TIPIN: variants seen among roughly 807,000 people sequenced by gnomAD.
TIPIN encodes TIMELESS interacting protein.
Under a neutral mutation model 35.6 loss-of-function variants are expected in TIPIN, and 29 were observed. That is an observed-to-expected ratio of 0.82 (90% confidence interval 0.61 to 1.11). The LOEUF is 1.11. TIPIN is among the 50% of genes most tolerant of loss of function. TIPIN has a pLI of 0.00. For missense variants in TIPIN, 296 were observed against 345.4 expected (o/e 0.86, Z 1.13); for synonymous variants, 102 against 121.5 (o/e 0.84, Z 1.06).
intron 1 of TIPIN, among the ~76,000 whole-genome samples, chr15:66,373,266 G>A (rs2093284090): frequency 6.6e-6 from 1 of 152,196 alleles, no homozygotes; most frequent in African/African-American, 2.4e-5. Context: ...GGCTGAGGCG[G>A]GAGGATCACG....
intron 6 of TIPIN, among the ~76,000 whole-genome samples, chr15:66,346,256 T>TA (rs1454527710): frequency 8.5e-5 from 12 of 141,164 alleles, no homozygotes; most frequent in African/African-American, 2.8e-4. Flanking sequence ...CCTTAATTTA[T>TA]CTTTTTTTTT....
Position 66,337,196 on chromosome 15 carries a change from A to T in TIPIN, c.683-15T>A, listed in dbSNP as rs373620452. On this transcript the variant is annotated splice_polypyrimidine_tract_variant and intron_variant, in intron 7 of 7. Transcript: ENST00000261881. ...CATTAACATATCTGAAAGAAATCAT[A>T]CCATTATTATTCATTATAAGTACCT... is the stretch of plus-strand genomic sequence containing the variant. 1 of 1,604,310 alleles carries T rather than the reference A, an allele frequency of 6.2e-7. No homozygotes were observed. Among genetic ancestry groups the T allele is most frequent in the South Asian group, 1.1e-5 (1 of 90,784 alleles).
chr15:66,340,834 C>T (rs28448834), intron 7 of TIPIN, among the ~76,000 whole-genome samples: 39,060 of 151,778 alleles, frequency 0.26, 5,644 homozygotes, highest in South Asian at 0.33. Context: ...TGACCTCAAG[C>T]GATCCACCTA....
At chr15:66,384,290 C>A (rs2140506244) in intron 1 of TIPIN, among the ~76,000 whole-genome samples, 1 of 143,370 alleles carries the variant, frequency 7.0e-6, no homozygotes, top group East Asian at 2.2e-4. Flanking sequence ...AGCCACCGCG[C>A]CCGGCCTATT....
intron 6 of TIPIN, 87 bp downstream of exon 6, chr15:66,348,972 TG>T: frequency 9.6e-7 from 1 of 1,039,818 alleles, no homozygotes; most frequent in Non-Finnish European, 1.4e-6. Context: ...AGCAAAGCGC[TG>T]GGATTACAGG....
chr15:66,356,619 G>A lies in TIPIN; in HGVS notation c.-9+20C>T. ...CCCTCTCCCCGCAAGAACTTCATTGGCCCGCCAGCCAGCTCTCACCTCACG... is the reference window on the plus strand; with the variant it reads ...CCCTCTCCCCGCAAGAACTTCATTGACCCGCCAGCCAGCTCTCACCTCACG... On this transcript the variant is annotated intron_variant, in intron 1 of 7. Coordinates refer to ENST00000261881, the MANE Select transcript of TIPIN (RefSeq NM_017858.3). 1 of 978,486 alleles carries A rather than the reference G, an allele frequency of 1.0e-6. No homozygotes were observed. 60.6% of individuals were successfully genotyped at this position (978,486 alleles called of 1,614,324 possible).
chr15:66,359,154 A>AACACACACACAC (rs538620517), upstream of TIPIN, among the ~76,000 whole-genome samples: 3 of 134,860 alleles, frequency 2.2e-5, no homozygotes, highest in Admixed American at 2.2e-4. Context: ...CCTGTCTCAA[A>AACACACACACAC]ACACACACAC....
At chr15:66,350,519 C>T (rs986017293) in intron 4 of TIPIN, among the ~76,000 whole-genome samples, 3 of 151,444 alleles carry the variant, frequency 2.0e-5, no homozygotes, top group East Asian at 2.0e-4. Context: ...GCAGTAGAAT[C>T]GCTTGAACCC....
intron 1 of TIPIN, among the ~76,000 whole-genome samples, chr15:66,381,560 T>G (rs1432385219): frequency 6.6e-6 from 1 of 152,230 alleles, no homozygotes; most frequent in African/African-American, 2.4e-5. Context: ...TATTTCATCA[T>G]ATGGGTGTGT....
At chr15:66,349,157 C>T (rs367582413) in intron 5 of TIPIN, 34 bp from the exon 6 acceptor site, 148 of 1,603,924 alleles carry the variant, frequency 9.2e-5, no homozygotes, top group Non-Finnish European at 1.2e-4. Context: ...ATTTTTACCT[C>T]TTTACCAATC....
At chr15:66,364,357 G>A (rs1238937209) in intron 1 of TIPIN, among the ~76,000 whole-genome samples, 1 of 151,358 alleles carries the variant, frequency 6.6e-6, no homozygotes, top group Non-Finnish European at 1.5e-5. Flanking sequence ...CTAGAGACGG[G>A]GTTTCACCAC....
At chr15:66,347,664 C>A (rs2093136174) in intron 6 of TIPIN, among the ~76,000 whole-genome samples, 1 of 152,128 alleles carries the variant, frequency 6.6e-6, no homozygotes, top group East Asian at 1.9e-4. Flanking sequence ...CTCACTGCAA[C>A]CTCCACCTCC....
intron 1 of TIPIN, among the ~76,000 whole-genome samples, chr15:66,364,895 G>C (rs992274570): frequency 1.4e-5 from 2 of 139,432 alleles, no homozygotes; most frequent in African/African-American, 5.4e-5. Flanking sequence ...GAACCCGAGA[G>C]GGAGAAGTTG....
At chr15:66,340,429 G>A (rs1227149708) in intron 7 of TIPIN, among the ~76,000 whole-genome samples, 1 of 139,788 alleles carries the variant, frequency 7.2e-6, no homozygotes. Flanking sequence ...GGCCCACTTT[G>A]GCCTCCTAAA....
chr15:66,357,099 T>C (rs1191112491), upstream of TIPIN, among the ~76,000 whole-genome samples: 1 of 152,044 alleles, frequency 6.6e-6, no homozygotes, highest in African/African-American at 2.4e-5. Context: ...TGTTTGTTTG[T>C]TTGTTTGTTT....
At chr15:66,371,324 A>T (rs2093276978) in intron 1 of TIPIN, 3 of 984,924 alleles carry the variant, frequency 3.0e-6, no homozygotes, top group South Asian at 9.4e-5. Context: ...AAAACAGAAA[A>T]ATTTGGAGCA....
chr15:66,358,087 G>C (rs2093215158), upstream of TIPIN, among the ~76,000 whole-genome samples: 1 of 152,152 alleles, frequency 6.6e-6, no homozygotes, highest in Non-Finnish European at 1.5e-5. Flanking sequence ...CTGAGACCCT[G>C]TCTCTATTAA....
chr15:66,383,796 T>G (rs2093326485), intron 1 of TIPIN: 1 of 158,428 alleles, frequency 6.3e-6, no homozygotes. Context: ...AGACCATAGT[T>G]AATAACATTG....
intron 1 of TIPIN, among the ~76,000 whole-genome samples, chr15:66,368,083 C>T (rs1442106581): frequency 1.3e-5 from 2 of 152,030 alleles, no homozygotes; most frequent in Admixed American, 6.6e-5. Flanking sequence ...CTGCCTGCCT[C>T]GGCTTCCCAA....
Sources: gnomAD v4.1 joint callset for allele counts (sites outside exome capture counted in the v4.1 genomes callset) on GRCh38, gnomAD v4.1.1 for gene constraint, MANE v1.5 for transcripts, NCBI Gene and HGNC (gene_info 2026-07-23, HGNC 2026-07-21) for gene names.